EBF4: variants seen among roughly 807,000 people sequenced by gnomAD.
The protein encoded by EBF4 is EBF transcription factor 4, also known as transcription factor COE4.
A neutral mutation model predicts 67.1 loss-of-function variants in EBF4; 34 were observed. The observed-to-expected ratio is 0.51, with a 90% CI of 0.39 to 0.67. The LOEUF is 0.67. EBF4 is among the 30% of genes least tolerant of loss of function. EBF4 has a pLI of 0.00. For synonymous variants in EBF4, 387 were observed against 377.7 expected, an observed-to-expected ratio of 1.02 and a Z score of -0.29; for missense variants, 837 against 873.3, an observed-to-expected ratio of 0.96 and a Z score of 0.52.
At chr20:2,750,597 A>C (rs542138735) in intron 10 of EBF4, among the ~76,000 whole-genome samples, 19 of 149,194 alleles carry the variant, frequency 1.3e-4, no homozygotes, top group African/African-American at 4.5e-4. Flanking sequence ...TCTCCACCCC[A>C]CCGCAGTCCC....
rs1310362233 is a variant in EBF4, at chr20:2,740,778, C to T, written c.558-7771C>T. Among the ~76,000 whole-genome samples the T allele has an allele frequency of 5.3e-5, 8 of 152,072 alleles. No individual in the cohort carries two copies. In the South Asian group the frequency reaches 8.3e-4, roughly 16 times the overall value. ...GGAGGTGGTCTCGGTCGGAGTCTAGCGTCAGCCTATCCCATGCAGAGGTCT... is the reference window on the plus strand; with the variant it reads ...GGAGGTGGTCTCGGTCGGAGTCTAGTGTCAGCCTATCCCATGCAGAGGTCT... On this transcript the variant is annotated intron_variant, in intron 6 of 16. Transcript: ENST00000609451.
intron 6 of EBF4, among the ~76,000 whole-genome samples, chr20:2,742,225 C>G (rs866637529): frequency 2.0e-5 from 3 of 152,146 alleles, no homozygotes; most frequent in Non-Finnish European, 4.4e-5. Flanking sequence ...TGTCAAGTCA[C>G]AGTCAATAGC....
intron 1 of EBF4, 39 bp from the exon 2 acceptor site, chr20:2,705,538 G>T (rs752353320): frequency 6.4e-7 from 1 of 1,551,466 alleles, no homozygotes; most frequent in Non-Finnish European, 8.7e-7. Context: ...TCTCACTGGG[G>T]GGCCTTCCAG....
intron 6 of EBF4, among the ~76,000 whole-genome samples, chr20:2,730,301 C>T (rs905293546): frequency 6.6e-6 from 1 of 152,162 alleles, no homozygotes; most frequent in Admixed American, 6.5e-5. Context: ...CTTCTGGATT[C>T]TGTTGGCAGT....
At position 2,756,913 on chromosome 20, in the gene EBF4, T is replaced by C. The variant is rs1222173127; in HGVS notation, c.1738+1089T>C. Among the ~76,000 whole-genome samples the C allele has an allele frequency of 6.6e-6, 1 of 152,210 alleles. No homozygotes were observed. The highest frequency in any genetic ancestry group is 1.5e-5 in the Non-Finnish European group (1 of 68,032). ...CCTTCTAGGAAACAGGAGATGCAAA[T>C]TTATTTGAGCACAAAAATGTATTTT... On this transcript the variant is annotated intron_variant, in intron 15 of 16. Transcript: ENST00000609451. The surrounding 1 kb of genome is among the most constrained non-coding windows in gnomAD (Gnocchi z 4.5).
At chr20:2,734,527 T>A (rs1437710802) in intron 6 of EBF4, among the ~76,000 whole-genome samples, 4 of 152,264 alleles carry the variant, frequency 2.6e-5, no homozygotes, top group Non-Finnish European at 5.9e-5. Context: ...GTACCTTGCA[T>A]GTCTCATAAT....
At chr20:2,698,138 G>A (rs948891484) in intron 1 of EBF4, among the ~76,000 whole-genome samples, 14 of 152,218 alleles carry the variant, frequency 9.2e-5, no homozygotes, top group Non-Finnish European at 1.6e-4. Context: ...GGGGAGAGCA[G>A]GCCTGTGAGA....
intron 6 of EBF4, among the ~76,000 whole-genome samples, chr20:2,742,205 A>G (rs1310036565): frequency 6.6e-6 from 1 of 152,044 alleles, no homozygotes; most frequent in African/African-American, 2.4e-5. Flanking sequence ...TTTAGCATTG[A>G]CTGTGACTTT....
At chr20:2,714,413 C>T (rs112471324) in intron 6 of EBF4, among the ~76,000 whole-genome samples, 8,168 of 151,854 alleles carry the variant, frequency 0.054, 725 homozygotes, top group African/African-American at 0.18. Context: ...AGTGCAGTGG[C>T]GCAATCATAG....
Position 2,700,558 on chromosome 20 carries a change from G to C in EBF4, c.138-5019G>C, listed in dbSNP as rs761330. 4.6e-5 allele frequency among the ~76,000 whole-genome samples: 7 copies of C among 152,090 alleles called. No homozygotes were observed. The South Asian group carries it at 1.2e-3, about 27-fold the overall frequency. On this transcript the variant is annotated intron_variant, in intron 1 of 16. Transcript: ENST00000609451. ...TAAGCCAGTCTGAGAGCAGACAGTG[G>C]CCCCCACATCCCACCTGTGTCCCCA...
intron 6 of EBF4, among the ~76,000 whole-genome samples, chr20:2,711,086 T>A (rs1242216703): frequency 6.6e-6 from 1 of 151,842 alleles, no homozygotes; most frequent in Non-Finnish European, 1.5e-5. Flanking sequence ...AGGTCTAGAC[T>A]GCAGCGAGCT....
At chr20:2,750,059 AGTTAG>A in intron 10 of EBF4, 86 bp downstream of exon 10, 1 of 1,461,214 alleles carries the variant, frequency 6.8e-7, no homozygotes, top group Non-Finnish European at 9.1e-7. Flanking sequence ...TGGTGATAGG[AGTTAG>A]CCGAGCTCTA....
intron 6 of EBF4, among the ~76,000 whole-genome samples, chr20:2,720,073 A>T (rs976393618): frequency 2.0e-5 from 3 of 152,228 alleles, no homozygotes; most frequent in Admixed American, 6.5e-5. Flanking sequence ...ATTGTTAGGT[A>T]CATGGATGTC....
At chr20:2,692,804 AGCG>A (rs575394026), upstream of EBF4, 74,118 of 150,658 alleles carry the variant, frequency 0.49, 20,876 homozygotes, top group African/African-American at 0.8. This position sits in a 1 kb window ranked among gnomAD's most constrained non-coding sequence, Gnocchi z 6.4. Flanking sequence ...CTCCCCCGGG[AGCG>A]GCGGCGGCGG....
chr20:2,734,933 T>C (rs1400345909), intron 6 of EBF4, among the ~76,000 whole-genome samples: 1 of 152,222 alleles, frequency 6.6e-6, no homozygotes, highest in African/African-American at 2.4e-5. Context: ...TTTTTGGGCA[T>C]GTGCCTCTCC....
intron 16 of EBF4, 60 bp downstream of exon 16, chr20:2,759,044 C>A: frequency 6.9e-7 from 1 of 1,452,820 alleles, no homozygotes; most frequent in South Asian, 1.2e-5. Flanking sequence ...TGTGCTTGCT[C>A]TCTAAAGGCC....
intron 14 of EBF4, among the ~76,000 whole-genome samples, chr20:2,753,183 C>T (rs2088184822): frequency 1.3e-5 from 2 of 152,232 alleles, no homozygotes; most frequent in South Asian, 4.1e-4. Context: ...CAATTCCACC[C>T]CCTGCTTAAG....
Position 2,756,294 on chromosome 20 carries a change from G to T in EBF4, c.1738+470G>T, listed in dbSNP as rs749223464. Among the ~76,000 whole-genome samples, 10 of 152,324 alleles carry T rather than the reference G, an allele frequency of 6.6e-5. No homozygotes were observed. In the East Asian group the frequency reaches 1.2e-3, roughly 18 times the overall value. Reference sequence around the variant, plus strand: ...GAGGCTTAGCCCAGCTTCCCTCCCCGCATTTTACAGATTAGGACTTGAGAC... The same window carrying T: ...GAGGCTTAGCCCAGCTTCCCTCCCCTCATTTTACAGATTAGGACTTGAGAC... On this transcript the variant is annotated intron_variant, in intron 15 of 16. Transcript: ENST00000609451. This position sits in a 1 kb window ranked among gnomAD's most constrained non-coding sequence, Gnocchi z 4.5.
intron 1 of EBF4, among the ~76,000 whole-genome samples, chr20:2,703,899 C>T (rs751071338): frequency 6.6e-6 from 1 of 152,084 alleles, no homozygotes; most frequent in Non-Finnish European, 1.5e-5. Context: ...TTGACTGAGG[C>T]GGGTGGATCT....
Sources: allele counts gnomAD v4.1 joint callset (sites outside exome capture counted in the v4.1 genomes callset), GRCh38; gene constraint gnomAD v4.1.1; non-coding constraint Gnocchi (gnomAD v3.1); transcripts MANE v1.5; gene names NCBI Gene and HGNC (gene_info 2026-07-23, HGNC 2026-07-21).